JAKMIP2: variants seen among roughly 807,000 people sequenced by gnomAD.
The protein encoded by JAKMIP2 is janus kinase and microtubule-interacting protein 2.
Under a neutral mutation model 115.0 loss-of-function variants are expected in JAKMIP2, and 25 were observed. The observed-to-expected ratio is 0.22, with a 90% confidence interval of 0.16 to 0.30. The LOEUF is 0.30. Among genes scored for constraint, JAKMIP2 ranks in the 10% least tolerant of loss-of-function variants. JAKMIP2 has a pLI of 1.00. For synonymous variants in JAKMIP2, 334 were observed against 343.6 expected, an observed-to-expected ratio of 0.97 and a Z score of 0.31; for missense variants, 642 against 957.6, an observed-to-expected ratio of 0.67 and a Z score of 4.35.
intron 6 of JAKMIP2, 33 bp downstream of exon 6, chr5:147,644,817 A>C: frequency 1.9e-6 from 3 of 1,581,944 alleles, no homozygotes; most frequent in Non-Finnish European, 1.7e-6. Flanking sequence ...ATAATCAAGG[A>C]AGCTGCAGTT....
chr5:147,662,623 T>C (rs1759071951), intron 2 of JAKMIP2, among the ~76,000 whole-genome samples: 3 of 151,900 alleles, frequency 2.0e-5, no homozygotes, highest in Admixed American at 2.0e-4. Context: ...TGTCTCTGTC[T>C]TCTCTCTCTG....
chr5:147,655,764 T>C (rs909747806), intron 3 of JAKMIP2, among the ~76,000 whole-genome samples: 21 of 152,178 alleles, frequency 1.4e-4, no homozygotes, highest in Non-Finnish European at 7.3e-5. Context: ...CTTTCTTCTC[T>C]AGTTCTTTTA....
chr5:147,627,703 AAC>A (rs1491035916), intron 16 of JAKMIP2, among the ~76,000 whole-genome samples: 2 of 150,378 alleles, frequency 1.3e-5, no homozygotes, highest in East Asian at 2.0e-4. Context: ...AAAAAAAAAA[AAC>A]CCACAAGGTT....
At position 147,675,785 on chromosome 5, in the gene JAKMIP2, T is replaced by C. The variant is rs1363238798; in HGVS notation, c.-148-3831A>G. Among the ~76,000 whole-genome samples, 4 of 58,772 alleles carry C rather than the reference T, an allele frequency of 6.8e-5. No homozygotes were observed. The African/African-American group carries it at 8.8e-4, about 13-fold the overall frequency. The allele number at this position is 58,772 out of a possible 152,430, so 38.6% of individuals were successfully genotyped here. A position where few individuals can be genotyped will look rare whatever the true frequency, so the allele number is the denominator to read the frequency against. ...TTGTATAAGTGGAATCATATGACATTTTTTTTTTTTTTTTTTTTTTGTGAC... is the reference window on the plus strand; with the variant it reads ...TTGTATAAGTGGAATCATATGACATCTTTTTTTTTTTTTTTTTTTTGTGAC... On this transcript the variant is annotated intron_variant, in intron 1 of 21. Coordinates refer to ENST00000616793, the MANE Select transcript of JAKMIP2 (RefSeq NM_001270941.2).
At chr5:147,620,793 G>T in intron 17 of JAKMIP2, 50 bp from the exon 18 acceptor site, 1 of 1,299,636 alleles carries the variant, frequency 7.7e-7, no homozygotes, top group South Asian at 1.2e-5. Flanking sequence ...ACTAGAAAGT[G>T]ACGTACAAAT....
chr5:147,621,227 G>A (rs1171247893), intron 17 of JAKMIP2, among the ~76,000 whole-genome samples: 1 of 152,226 alleles, frequency 6.6e-6, no homozygotes, highest in Non-Finnish European at 1.5e-5. Flanking sequence ...GCTGCTTAAT[G>A]AGTGGGTGTC....
chr5:147,777,309 G>C (rs1425924545), intron 1 of JAKMIP2, among the ~76,000 whole-genome samples: 1 of 152,132 alleles, frequency 6.6e-6, no homozygotes, highest in African/African-American at 2.4e-5. Context: ...ACTCTCAAGT[G>C]GGGGAAAAAC....
chr5:147,641,627 T>C (rs1581340157), intron 8 of JAKMIP2, 81 bp downstream of exon 8: 5 of 973,902 alleles, frequency 5.1e-6, no homozygotes, highest in Admixed American at 1.8e-5. Context: ...ATTCATCACA[T>C]CTTTGTAGGA....
chr5:147,689,578 A>G (rs1388613698), intron 1 of JAKMIP2, among the ~76,000 whole-genome samples: 5 of 152,150 alleles, frequency 3.3e-5, no homozygotes, highest in Non-Finnish European at 7.3e-5. Context: ...TGGGATCAGT[A>G]AGTTGAGCTG....
At chr5:147,695,475 T>A (rs1752061404) in intron 1 of JAKMIP2, among the ~76,000 whole-genome samples, 1 of 152,172 alleles carries the variant, frequency 6.6e-6, no homozygotes, top group African/African-American at 2.4e-5. Flanking sequence ...GAGAGCCAGA[T>A]GAATAGGATT....
intron 19 of JAKMIP2, among the ~76,000 whole-genome samples, chr5:147,614,029 G>C (rs932941307): frequency 6.6e-6 from 1 of 152,188 alleles, no homozygotes; most frequent in Non-Finnish European, 1.5e-5. Flanking sequence ...TTTCCACCTT[G>C]AGTGTTCACG....
chr5:147,731,372 T>A (rs1753727396), intron 1 of JAKMIP2, among the ~76,000 whole-genome samples: 1 of 152,206 alleles, frequency 6.6e-6, no homozygotes, highest in Non-Finnish European at 1.5e-5. Flanking sequence ...CTGGTACGAC[T>A]ATTAGCAGTG....
Position 147,697,663 on chromosome 5 carries a change from A to C in JAKMIP2, c.-148-25709T>G, listed in dbSNP as rs6880369. ...GCTAAAAGAGGCCAAGGTACAGCTC[A>C]GGCCATGCCTTCCAAGGATGCAGAT... On this transcript the variant is annotated intron_variant, in intron 1 of 21. Coordinates refer to ENST00000616793, the MANE Select transcript of JAKMIP2 (RefSeq NM_001270941.2). Among the ~76,000 whole-genome samples, 3 of 152,026 alleles carry C rather than the reference A, an allele frequency of 2.0e-5. No homozygotes were observed. The East Asian group carries it at 5.8e-4, about 29-fold the overall frequency.
chr5:147,635,302 A>T (rs373106632), intron 12 of JAKMIP2, among the ~76,000 whole-genome samples: 1 of 152,334 alleles, frequency 6.6e-6, no homozygotes, highest in East Asian at 1.9e-4. Context: ...ACCAAAATTA[A>T]TTATATCTAT....
chr5:147,694,930 T>A (rs2126869729), intron 1 of JAKMIP2, among the ~76,000 whole-genome samples: 1 of 152,300 alleles, frequency 6.6e-6, no homozygotes, highest in East Asian at 1.9e-4. Flanking sequence ...AAATTTTGTG[T>A]TTGTTTAAGG....
intron 20 of JAKMIP2, among the ~76,000 whole-genome samples, chr5:147,605,295 C>T (rs1260062797): frequency 5.3e-5 from 8 of 151,044 alleles, no homozygotes; most frequent in Admixed American, 6.6e-5. Flanking sequence ...CTGCAAGCTC[C>T]GCCTCCCAGG....
At chr5:147,670,992 G>C (rs1477100431) in intron 2 of JAKMIP2, among the ~76,000 whole-genome samples, 2 of 152,190 alleles carry the variant, frequency 1.3e-5, no homozygotes, top group East Asian at 3.8e-4. Flanking sequence ...TGACAATGGG[G>C]AAGTGTTCTG....
At chr5:147,630,674 C>T (rs1757313145) in intron 14 of JAKMIP2, among the ~76,000 whole-genome samples, 1 of 152,058 alleles carries the variant, frequency 6.6e-6, no homozygotes, top group African/African-American at 2.4e-5. Context: ...GCAACTGAAG[C>T]AAGTATATTT....
chr5:147,684,059 T>A (rs1419913274), intron 1 of JAKMIP2, among the ~76,000 whole-genome samples: 1 of 152,050 alleles, frequency 6.6e-6, no homozygotes, highest in Non-Finnish European at 1.5e-5. Context: ...GTCCCAGGGG[T>A]CAGTGCTCAC....
Sources: allele counts gnomAD v4.1 joint callset (sites outside exome capture counted in the v4.1 genomes callset), GRCh38; gene constraint gnomAD v4.1.1; transcripts MANE v1.5; gene names NCBI Gene and HGNC (gene_info 2026-07-23, HGNC 2026-07-21).